Variants in CEP89 observed in about 807,000 individuals in gnomAD.
CEP89 encodes the protein centrosomal protein 89.
CEP89 carries 95 observed loss-of-function variants against 97.6 expected under a neutral mutation model. The ratio of observed to expected loss-of-function variants is 0.97; its 90% CI spans 0.82 to 1.15. The LOEUF is 1.15. Among genes scored for constraint, CEP89 ranks in the 50% most tolerant of loss-of-function variants. The pLI is 0.00. For synonymous variants in CEP89, 354 were observed against 349.1 expected (o/e 1.01, Z -0.16); for missense variants, 869 against 947.7 (o/e 0.92, Z 1.09).
At chr19:32,927,092 C>G in intron 9 of CEP89, 108 bp from the exon 10 acceptor site, 1 of 1,016,756 alleles carries the variant, frequency 9.8e-7, no homozygotes, top group Non-Finnish European at 1.5e-6. Flanking sequence ...ATGCATTTAT[C>G]TGTCTATCCA....
At chr19:32,913,315 TG>T (rs879589178) in intron 14 of CEP89, among the ~76,000 whole-genome samples, 430 of 36,032 alleles carry the variant, frequency 0.012, 1 homozygote, top group Non-Finnish European at 0.016. Context: ...ATTTTTTTGT[TG>T]TTGTTGTTGT....
chr19:32,947,996 G>A (rs1043457166), intron 5 of CEP89, among the ~76,000 whole-genome samples: 1 of 151,992 alleles, frequency 6.6e-6, no homozygotes. Context: ...TTGTACAGAC[G>A]ATGTCTCCCT....
chr19:32,889,938 T>C (rs752602838), intron 16 of CEP89, among the ~76,000 whole-genome samples: 6 of 151,692 alleles, frequency 4.0e-5, no homozygotes, highest in Admixed American at 1.3e-4. Context: ...AGTGCCAGGG[T>C]TCAGCTGCCT....
At chr19:32,905,101 T>C (rs1969861438) in intron 14 of CEP89, among the ~76,000 whole-genome samples, 1 of 152,236 alleles carries the variant, frequency 6.6e-6, no homozygotes, top group Non-Finnish European at 1.5e-5. Context: ...GTGTGTCAGT[T>C]ACCACTTGGT....
chr19:32,890,111 A>C (rs1167519058), intron 16 of CEP89, among the ~76,000 whole-genome samples: 1 of 152,178 alleles, frequency 6.6e-6, no homozygotes, highest in Non-Finnish European at 1.5e-5. Flanking sequence ...ATTGTAATTT[A>C]AAAAACTGTT....
rs563984563 is a variant in CEP89, at chr19:32,942,022, T to TC, written c.596-2138dup. Among the ~76,000 whole-genome samples, 70 of 152,300 alleles carry TC rather than the reference T, an allele frequency of 4.6e-4. 1 individual carries two copies. In the South Asian group the frequency reaches 0.013, roughly 29 times the overall value. ...TTCATATTTAATGGAGTCTTCTATG[T>TC]CCCCCTTAAATTCTTCACAAAATAA... On this transcript the variant is annotated intron_variant, in intron 5 of 18. Transcript: ENST00000305768.
At position 32,923,473 on chromosome 19, in the gene CEP89, A is replaced by T; in HGVS notation, c.1234T>A (p.Leu412Ile). ...CTGGTAACAGCACTACTCTTATTTA[A>T]CTCTTGGTGCAATTCTTCATTTTCT... ...VKENEELHQE[L>I]NKSSAVTSEE... Residue 412 changes from leucine (L) to isoleucine (I), a missense_variant, in exon 12 of 19, where the codon TTA (leucine) becomes ATA (isoleucine). Transcript: ENST00000305768. 1 of 1,609,296 alleles carries T rather than the reference A, an allele frequency of 6.2e-7. No homozygotes were observed. Among genetic ancestry groups the T allele is most frequent in the Non-Finnish European group, 8.5e-7 (1 of 1,176,086 alleles).
intron 9 of CEP89, among the ~76,000 whole-genome samples, chr19:32,929,297 G>C (rs1970422290): frequency 6.6e-6 from 1 of 152,084 alleles, no homozygotes; most frequent in African/African-American, 2.4e-5. Context: ...ACAAAAGTCT[G>C]CAATGGTTTA....
At chr19:32,894,664 C>T (rs1267004411) in intron 16 of CEP89, among the ~76,000 whole-genome samples, 4 of 152,210 alleles carry the variant, frequency 2.6e-5, no homozygotes, top group African/African-American at 9.6e-5. Context: ...CATGTTAGAG[C>T]ATGTACATGC....
intron 14 of CEP89, among the ~76,000 whole-genome samples, chr19:32,906,632 TC>T (rs1467659973): frequency 6.6e-6 from 1 of 151,732 alleles, no homozygotes; most frequent in African/African-American, 2.4e-5. Flanking sequence ...AACCATCCCC[TC>T]CTCAGGGGCC....
At chr19:32,906,592 T>G (rs1278931702) in intron 14 of CEP89, among the ~76,000 whole-genome samples, 1 of 151,976 alleles carries the variant, frequency 6.6e-6, no homozygotes, top group Non-Finnish European at 1.5e-5. Flanking sequence ...TTTACTTCCT[T>G]CTTGCTTCTC....
At chr19:32,959,829 A>C (rs920030476) in intron 3 of CEP89, 71 bp downstream of exon 3, 1 of 1,560,312 alleles carries the variant, frequency 6.4e-7, no homozygotes, top group African/African-American at 1.4e-5. Flanking sequence ...GCACACATAC[A>C]CGTAGAGACC....
intron 2 of CEP89, among the ~76,000 whole-genome samples, chr19:32,961,886 C>G (rs1478732788): frequency 2.6e-5 from 4 of 152,034 alleles, no homozygotes; most frequent in African/African-American, 9.7e-5. Flanking sequence ...TCAAGTAATC[C>G]TCCTGCCTCA....
intron 16 of CEP89, among the ~76,000 whole-genome samples, chr19:32,894,903 G>T (rs934474050): frequency 6.6e-6 from 1 of 152,132 alleles, no homozygotes; most frequent in Admixed American, 6.6e-5. Flanking sequence ...CTGGCCCATT[G>T]ACAACACTAC....
In CEP89 at chr19:32,936,783, A is replaced by C. The variant is rs906100586; in HGVS notation, c.667+848T>G. On this transcript the variant is annotated intron_variant, in intron 7 of 18. Coordinates refer to ENST00000305768, the MANE Select transcript of CEP89 (RefSeq NM_032816.5). The surrounding 1 kb of genome is among the most constrained non-coding windows in gnomAD (Gnocchi z 4.5). Reference sequence around the variant, plus strand: ...TCAGAATAACCAGCTGCAGAGAAGAACAACCCTCTCCAGGGCTTCCTCTTT... The same window carrying C: ...TCAGAATAACCAGCTGCAGAGAAGACCAACCCTCTCCAGGGCTTCCTCTTT... 1.3e-5 allele frequency among the ~76,000 whole-genome samples: 2 copies of C among 152,098 alleles called. No homozygotes were observed. The highest frequency in any genetic ancestry group is 2.9e-5 in the Non-Finnish European group (2 of 68,008).
At chr19:32,915,963 C>T (rs1970118504) in intron 13 of CEP89, among the ~76,000 whole-genome samples, 1 of 148,888 alleles carries the variant, frequency 6.7e-6, no homozygotes, top group South Asian at 2.2e-4. Flanking sequence ...TATAAATTAA[C>T]ACCAAAGGCT....
chr19:32,911,296 T>C lies in CEP89; in HGVS notation c.1565+4041A>G, dbSNP rs1285332244. 3.3e-5 allele frequency among the ~76,000 whole-genome samples: 5 copies of C among 152,340 alleles called. No homozygotes were observed. The East Asian group carries it at 9.6e-4, about 29-fold the overall frequency. On this transcript the variant is annotated intron_variant, in intron 14 of 18. Transcript: ENST00000305768. ...CACATTGGTCGCAGGAGCAGATGTT[T>C]GAGAAAAATAAAATTATAAAGATGA...
chr19:32,933,643 ATC>A lies in CEP89; in HGVS notation c.692_693del (p.Arg231IlefsTer10). 1 of 1,611,430 alleles carries A rather than the reference ATC, an allele frequency of 6.2e-7. No individual in the cohort carries two copies. The highest frequency in any genetic ancestry group is 8.5e-7 in the Non-Finnish European group (1 of 1,177,664). ...AACTTTTCTCTGGTTATTTCTGTATATCTTTGACGTGCTCTACCAGTTATATC... is the reference window on the plus strand; with the variant it reads ...AACTTTTCTCTGGTTATTTCTGTATATTTGACGTGCTCTACCAGTTATATC... ...SPDITGRARQ[R>X]YTEITREKFE... On this transcript the variant is annotated frameshift_variant, in exon 8 of 19. Coordinates refer to ENST00000305768, the MANE Select transcript of CEP89 (RefSeq NM_032816.5). LOFTEE classifies it high-confidence loss of function.
chr19:32,891,844 A>G (rs976049024), intron 16 of CEP89, among the ~76,000 whole-genome samples: 1 of 151,712 alleles, frequency 6.6e-6, no homozygotes, highest in East Asian at 1.9e-4. Context: ...AGAAACAGAG[A>G]GAGAGAGAGA....
Sources: allele counts gnomAD v4.1 joint callset (sites outside exome capture counted in the v4.1 genomes callset), GRCh38; gene constraint gnomAD v4.1.1; non-coding constraint Gnocchi (gnomAD v3.1); transcripts MANE v1.5; gene names NCBI Gene and HGNC (gene_info 2026-07-23, HGNC 2026-07-21).